The following ATP2B2 variants were observed in gnomAD, a reference collection of about 807,000 sequenced individuals.
ATP2B2 encodes ATPase plasma membrane Ca2+ transporting 2.
In ATP2B2, 15 loss-of-function variants were observed where a neutral mutation model predicts 120.0. The ratio of observed to expected loss-of-function variants is 0.12; its 90% confidence interval spans 0.08 to 0.19. The LOEUF (loss-of-function observed/expected upper bound fraction) is 0.19. Among genes scored for constraint, ATP2B2 ranks in the 10% least tolerant of loss-of-function variants. ATP2B2 has a pLI of 1.00. For synonymous variants in ATP2B2, 694 were observed against 700.3 expected (o/e 0.99, Z 0.14); for missense variants, 1,045 against 1,719.8 (o/e 0.61, Z 6.94).
chr3:10,432,630 G>A (rs2063353225), intron 2 of ATP2B2, among the ~76,000 whole-genome samples: 3 of 152,272 alleles, frequency 2.0e-5, no homozygotes, highest in African/African-American at 7.2e-5. Context: ...GAGGATGCTG[G>A]CGGCTTCACG....
exon 3 of ATP2B2, chr3:10,534,091 C>T (rs188869701): frequency 2.6e-5 from 4 of 152,440 alleles, no homozygotes; most frequent in Admixed American, 2.0e-4. Context: ...AAACTGGGGC[C>T]CATGTCTTGC....
chr3:10,331,923 A>T, intron 22 of ATP2B2: 1 of 1,488,200 alleles, frequency 6.7e-7, no homozygotes, highest in Non-Finnish European at 9.2e-7. Context: ...GGCTTCAAGG[A>T]AGCCAAGAGT....
At chr3:10,443,566 T>A (rs1442163756) in intron 2 of ATP2B2, among the ~76,000 whole-genome samples, 1 of 152,068 alleles carries the variant, frequency 6.6e-6, no homozygotes, top group Non-Finnish European at 1.5e-5. Context: ...GGAGCCCCCA[T>A]GTGCTAAAAC....
rs111311231 is a variant in ATP2B2 at position 10,379,414 on chromosome 3, T to C, written c.1001-130A>G. On this transcript the variant is annotated intron_variant, in intron 8 of 22. Transcript: ENST00000360273. ...GGGCCGTGCTGACTGCATCCCTCTG[T>C]GTGGGGATACGGGTTGGGGAGGGCC... The C allele has an allele frequency of 6.9e-4, 726 of 1,056,128 alleles. 4 individuals are homozygous for C. In the African/African-American group the frequency reaches 9.9e-3, roughly 14 times the overall value. 65.4% of individuals were successfully genotyped at this position (1,056,128 alleles called of 1,614,324 possible). A position where few individuals can be genotyped will look rare whatever the true frequency, so the allele number is the denominator to read the frequency against.
chr3:10,431,871 A>G (rs1015044511), intron 2 of ATP2B2, among the ~76,000 whole-genome samples: 1 of 152,164 alleles, frequency 6.6e-6, no homozygotes, highest in African/African-American at 2.4e-5. Flanking sequence ...CTGAAACCCC[A>G]CAATGCTTGA....
chr3:10,533,084 G>T (rs549638336), intron 3 of ATP2B2, among the ~76,000 whole-genome samples: 4 of 152,266 alleles, frequency 2.6e-5, no homozygotes, highest in South Asian at 2.1e-4. Context: ...TTACATGTTG[G>T]GTCCATGGGG....
intron 17 of ATP2B2, 80 bp from the exon 18 acceptor site, chr3:10,345,655 C>T (rs1035592465): frequency 2.9e-6 from 4 of 1,378,100 alleles, no homozygotes; most frequent in African/African-American, 2.8e-5. Flanking sequence ...TCACTCCCTC[C>T]ACTTCCTCAG....
chr3:10,339,194 T>A (rs561173747), intron 21 of ATP2B2, among the ~76,000 whole-genome samples: 3 of 152,168 alleles, frequency 2.0e-5, no homozygotes, highest in East Asian at 3.9e-4. Context: ...GAGCCTCCTG[T>A]AGGGGGTGGG....
At chr3:10,584,091 A>G (rs1395782395) in intron 2 of ATP2B2, among the ~76,000 whole-genome samples, 1 of 152,198 alleles carries the variant, frequency 6.6e-6, no homozygotes, top group Non-Finnish European at 1.5e-5. Context: ...TATTAAGCCA[A>G]AGAAACTTGC....
intron 1 of ATP2B2, among the ~76,000 whole-genome samples, chr3:10,477,426 T>A (rs2065246775): frequency 6.6e-6 from 1 of 152,240 alleles, no homozygotes; most frequent in Admixed American, 6.5e-5. Context: ...TTCTAGCCAT[T>A]TTTAAGTGCA....
Position 10,402,474 on chromosome 3 carries a change from A to G in ATP2B2, c.398-126T>C. The G allele has an allele frequency of 7.1e-7, 1 of 1,405,618 alleles. No homozygotes were observed. The highest frequency in any genetic ancestry group is 9.9e-7 in the Non-Finnish European group (1 of 1,010,526). 87.1% of individuals were successfully genotyped at this position (1,405,618 alleles called of 1,614,324 possible). ...AGAATCAGATGATAATTATCCACTT[A>G]CTCAGTGTGTCTGGGTACCAAGCCC... On this transcript the variant is annotated intron_variant, in intron 3 of 22. Transcript: ENST00000360273. This position sits in a 1 kb window ranked among gnomAD's most constrained non-coding sequence, Gnocchi z 4.9.
intron 2 of ATP2B2, among the ~76,000 whole-genome samples, chr3:10,595,575 A>G (rs1222668700): frequency 1.1e-4 from 17 of 152,248 alleles, no homozygotes; most frequent in Admixed American, 1.1e-3. Context: ...CACACAGCTA[A>G]GAAATCTCAG....
chr3:10,368,587 T>C (rs1174837943), intron 12 of ATP2B2, among the ~76,000 whole-genome samples: 3 of 151,120 alleles, frequency 2.0e-5, no homozygotes, highest in Non-Finnish European at 4.4e-5. Context: ...CATCCACTCA[T>C]CCATCCGCCA....
In ATP2B2 at chr3:10,337,946, C is replaced by T. The variant is rs577507028; in HGVS notation, c.3420+230G>A. ...GTGGGTGTGACCCCTACCACTTCCCCGTGCTGCCCTGAGAGGGCACAATGG... is the reference window on the plus strand; with the variant it reads ...GTGGGTGTGACCCCTACCACTTCCCTGTGCTGCCCTGAGAGGGCACAATGG... On this transcript the variant is annotated intron_variant, in intron 22 of 22. Coordinates refer to ENST00000360273, the MANE Select transcript of ATP2B2 (RefSeq NM_001001331.4). 3.0e-4 allele frequency among the ~76,000 whole-genome samples: 45 copies of T among 152,322 alleles called. 1 individual carries two copies. In the South Asian group the frequency reaches 5.2e-3, roughly 18 times the overall value.
intron 2 of ATP2B2, among the ~76,000 whole-genome samples, chr3:10,605,705 G>A (rs2069045413): frequency 6.6e-6 from 1 of 151,324 alleles, no homozygotes; most frequent in Non-Finnish European, 1.5e-5. Flanking sequence ...TGGGAGTGCA[G>A]TGGTGCAATA....
At chr3:10,506,899 G>A (rs920241391), upstream of ATP2B2, among the ~76,000 whole-genome samples, 2 of 152,242 alleles carry the variant, frequency 1.3e-5, no homozygotes, top group African/African-American at 4.8e-5. Context: ...AATTTGTCTC[G>A]TTAAGCTGAA....
intron 2 of ATP2B2, among the ~76,000 whole-genome samples, chr3:10,587,921 C>T (rs2068552437): frequency 6.6e-6 from 1 of 152,076 alleles, no homozygotes; most frequent in South Asian, 2.1e-4. Flanking sequence ...AGTTTTCCTC[C>T]TTTAAATAAA....
chr3:10,387,816 C>T lies in ATP2B2; in HGVS notation c.907+461G>A, dbSNP rs957265973. 24 of 234,794 alleles carry T rather than the reference C, an allele frequency of 1.0e-4. No homozygotes were observed. In the Admixed American group the frequency reaches 1.2e-3, roughly 11 times the overall value. 14.5% of individuals were successfully genotyped at this position (234,794 alleles called of 1,614,324 possible). A position where few individuals can be genotyped will look rare whatever the true frequency, so the allele number is the denominator to read the frequency against. On this transcript the variant is annotated intron_variant, in intron 6 of 22. Coordinates refer to ENST00000360273, the MANE Select transcript of ATP2B2 (RefSeq NM_001001331.4). ...TGATTTGGAGCCATGCATCTGGCTA[C>T]CTTTCCCAGAATCTCCTCTGCCCAT...
At chr3:10,603,354 C>T (rs913470560) in intron 2 of ATP2B2, among the ~76,000 whole-genome samples, 1 of 152,230 alleles carries the variant, frequency 6.6e-6, no homozygotes, top group Non-Finnish European at 1.5e-5. Flanking sequence ...CACAGCATTG[C>T]TGTGAGTGTC....
Sources: gnomAD v4.1 joint callset for allele counts (sites outside exome capture counted in the v4.1 genomes callset) on GRCh38, gnomAD v4.1.1 for gene constraint, Gnocchi (gnomAD v3.1) non-coding constraint, MANE v1.5 for transcripts, NCBI Gene and HGNC (gene_info 2026-07-23, HGNC 2026-07-21) for gene names.